Variants in MLIP observed in about 807,000 individuals in gnomAD.
MLIP encodes the protein muscular LMNA interacting protein, also known as muscular LMNA-interacting protein.
A neutral mutation model predicts 84.8 loss-of-function variants in MLIP; 79 were observed. That is an observed-to-expected ratio of 0.93 (90% CI 0.78 to 1.12). The LOEUF (loss-of-function observed/expected upper bound fraction) is 1.12. MLIP is among the 50% of genes most tolerant of loss of function. The pLI is 0.00. For missense variants in MLIP, 1,257 were observed against 1,160.6 expected (o/e 1.08, Z -1.21); for synonymous variants, 504 against 463.0 (o/e 1.09, Z -1.14).
At chr6:54,261,052 T>C (rs2150904607) in intron 13 of MLIP, among the ~76,000 whole-genome samples, 1 of 152,150 alleles carries the variant, frequency 6.6e-6, no homozygotes, top group Admixed American at 6.6e-5. Context: ...ACCAATGCAG[T>C]AATTTCTAAG....
At chr6:54,252,647 G>T (rs940152686) in intron 12 of MLIP, among the ~76,000 whole-genome samples, 11 of 151,158 alleles carry the variant, frequency 7.3e-5, no homozygotes, top group African/African-American at 2.7e-4. Flanking sequence ...CATAGGAGTG[G>T]TGGGGACTAT....
chr6:54,243,550 G>C (rs1187899143), intron 12 of MLIP, among the ~76,000 whole-genome samples: 1 of 152,154 alleles, frequency 6.6e-6, no homozygotes, highest in South Asian at 2.1e-4. Flanking sequence ...TTCACATGCA[G>C]CATTTTATTT....
chr6:54,054,605 GTCAA>G (rs1162190081), intron 1 of MLIP, among the ~76,000 whole-genome samples: 1 of 152,018 alleles, frequency 6.6e-6, no homozygotes, highest in Non-Finnish European at 1.5e-5. Flanking sequence ...AGCAATAATA[GTCAA>G]TATTTCACTT....
At chr6:54,018,970 A>G (rs926787551) in exon 1 of MLIP, 1 of 1,450,242 alleles carries the variant, frequency 6.9e-7, no homozygotes, top group Non-Finnish European at 9.7e-7. Flanking sequence ...ATCATTTTCT[A>G]GACAGAATCT....
chr6:54,131,517 CAGTT>C (rs1205520699), intron 3 of MLIP, among the ~76,000 whole-genome samples: 6 of 152,018 alleles, frequency 3.9e-5, no homozygotes, highest in African/African-American at 1.4e-4. Flanking sequence ...CATATTCTAT[CAGTT>C]AGAAGCAAGT....
intron 1 of MLIP, among the ~76,000 whole-genome samples, chr6:54,091,358 T>C (rs1441975483): frequency 1.3e-5 from 2 of 152,184 alleles, no homozygotes; most frequent in African/African-American, 2.4e-5. Context: ...TGGAAAATTA[T>C]GGAAAATTAT....
intron 12 of MLIP, among the ~76,000 whole-genome samples, chr6:54,239,696 A>G (rs1394226374): frequency 6.6e-6 from 1 of 151,694 alleles, no homozygotes; most frequent in Non-Finnish European, 1.5e-5. Flanking sequence ...CTGAGGCAGG[A>G]GAATCACTTG....
chr6:54,022,315 C>A (rs1022931), intron 1 of MLIP, among the ~76,000 whole-genome samples: 1 of 151,994 alleles, frequency 6.6e-6, no homozygotes, highest in Non-Finnish European at 1.5e-5. Flanking sequence ...TCGCCTATCA[C>A]TGTAATATAT....
chr6:54,159,158 C>T (rs529543044), intron 5 of MLIP, among the ~76,000 whole-genome samples: 2 of 152,182 alleles, frequency 1.3e-5, no homozygotes, highest in African/African-American at 4.8e-5. Context: ...AGTGATCCTT[C>T]TGCCTCAGCC....
At chr6:54,186,664 A>G (rs1207421012) in intron 9 of MLIP, among the ~76,000 whole-genome samples, 3 of 152,308 alleles carry the variant, frequency 2.0e-5, no homozygotes, top group South Asian at 2.1e-4. Flanking sequence ...ACAACCCCTT[A>G]TAAAAACCAT....
intron 1 of MLIP, among the ~76,000 whole-genome samples, chr6:54,096,521 G>A (rs962539162): frequency 7.9e-5 from 12 of 152,032 alleles, no homozygotes; most frequent in African/African-American, 2.7e-4. Context: ...ACCTTCTCGG[G>A]GAAGCCCACA....
At chr6:54,086,181 C>T (rs1297443280) in intron 1 of MLIP, among the ~76,000 whole-genome samples, 16 of 152,148 alleles carry the variant, frequency 1.1e-4, no homozygotes, top group Admixed American at 5.9e-4. Flanking sequence ...CTAGGTAATA[C>T]GATTCAATCT....
chr6:54,121,691 C>T lies in MLIP; in HGVS notation c.252+89C>T, dbSNP rs1770469988. ...TGGAAATTTGTGTATATTTCCTGTG[C>T]TTAAATTAAGGTGACTGTGACTCTA... On this transcript the variant is annotated intron_variant, in intron 2 of 13. Coordinates refer to ENST00000502396, the MANE Select transcript of MLIP (RefSeq NM_001281747.2). The T allele has an allele frequency of 3.8e-6, 4 of 1,040,500 alleles. No homozygotes were observed. The South Asian group carries it at 6.9e-5, about 18-fold the overall frequency. 64.5% of individuals were successfully genotyped at this position (1,040,500 alleles called of 1,614,324 possible).
At chr6:54,256,028 C>T (rs1316702241) in intron 12 of MLIP, among the ~76,000 whole-genome samples, 1 of 152,100 alleles carries the variant, frequency 6.6e-6, no homozygotes, top group African/African-American at 2.4e-5. Flanking sequence ...GTAGGTGCTT[C>T]CAGCTGCTTC....
chr6:54,151,415 CTT>C (rs1773433807), intron 5 of MLIP, among the ~76,000 whole-genome samples: 1 of 152,078 alleles, frequency 6.6e-6, no homozygotes, highest in African/African-American at 2.4e-5. Flanking sequence ...ATACAATAGA[CTT>C]TATCTTAATG....
At chr6:54,186,577 A>G (rs1582437931) in intron 9 of MLIP, among the ~76,000 whole-genome samples, 2 of 152,318 alleles carry the variant, frequency 1.3e-5, no homozygotes, top group Admixed American at 1.3e-4. Flanking sequence ...GGAAACTTAT[A>G]ATCATGGGAG....
At chr6:54,063,722 G>A (rs1459742784) in intron 1 of MLIP, among the ~76,000 whole-genome samples, 2 of 41,396 alleles carry the variant, frequency 4.8e-5, no homozygotes, top group South Asian at 7.8e-4. Flanking sequence ...GGTCAGTGGC[G>A]TGTGTGTGTG....
intron 4 of MLIP, among the ~76,000 whole-genome samples, chr6:54,144,590 A>G (rs528921445): frequency 6.6e-6 from 1 of 152,304 alleles, no homozygotes; most frequent in South Asian, 2.1e-4. Context: ...CACTCCTATG[A>G]GAATCTAATG....
At chr6:54,037,275 A>G (rs1437466319) in intron 1 of MLIP, among the ~76,000 whole-genome samples, 3 of 152,002 alleles carry the variant, frequency 2.0e-5, no homozygotes, top group African/African-American at 7.2e-5. Flanking sequence ...GCATGCATCA[A>G]TTCACATATT....
Sources: allele counts gnomAD v4.1 joint callset (sites outside exome capture counted in the v4.1 genomes callset), GRCh38; gene constraint gnomAD v4.1.1; transcripts MANE v1.5; gene names NCBI Gene and HGNC (gene_info 2026-07-23, HGNC 2026-07-21).